The following MYBL1 variants were observed in gnomAD, a reference collection of about 807,000 sequenced individuals.
The protein encoded by MYBL1 is MYB proto-oncogene like 1.
MYBL1 carries 17 observed loss-of-function variants against 96.3 expected under a neutral mutation model. The ratio of observed to expected loss-of-function variants is 0.18; its 90% CI spans 0.12 to 0.26. The LOEUF (loss-of-function observed/expected upper bound fraction) is 0.26, where lower values mean the gene tolerates loss of function less well. MYBL1 is among the 10% of genes least tolerant of loss of function. The pLI, the probability that MYBL1 is intolerant of heterozygous loss-of-function variation, is 1.00. For missense variants in MYBL1, 701 were observed against 882.9 expected, an observed-to-expected ratio of 0.79 and a Z score of 2.61; for synonymous variants, 282 against 292.7, an observed-to-expected ratio of 0.96 and a Z score of 0.37.
Position 66,612,866 on chromosome 8 carries a change from G to A in MYBL1, c.-28C>T, listed in dbSNP as rs756148713. The A allele has an allele frequency of 1.9e-5, 26 of 1,349,198 alleles. No individual in the cohort carries two copies. The Admixed American group carries it at 7.5e-4, about 39-fold the overall frequency. 83.6% of individuals were successfully genotyped at this position (1,349,198 alleles called of 1,614,324 possible). On this transcript the variant is annotated 5_prime_UTR_variant, in exon 1 of 16. Coordinates refer to ENST00000522677, the MANE Select transcript of MYBL1 (RefSeq NM_001080416.4). ...TTCAAGTACCGCATAGGAGCAGGCT[G>A]GGCGGGGACGCGGGTCAGCCTCCTC...
chr8:66,587,544 TA>T (rs1171963202), intron 8 of MYBL1, among the ~76,000 whole-genome samples: 1 of 152,110 alleles, frequency 6.6e-6, no homozygotes, highest in African/African-American at 2.4e-5. Context: ...GTTTTATAAT[TA>T]AAAAATAAGA....
At chr8:66,598,607 T>G (rs2129984168) in intron 4 of MYBL1, among the ~76,000 whole-genome samples, 1 of 152,324 alleles carries the variant, frequency 6.6e-6, no homozygotes, top group Non-Finnish European at 1.5e-5. Flanking sequence ...GGAAACATGA[T>G]GCTCTGACAT....
intron 9 of MYBL1, among the ~76,000 whole-genome samples, chr8:66,578,974 G>A (rs1218708645): frequency 9.9e-5 from 15 of 152,004 alleles, no homozygotes; most frequent in African/African-American, 3.6e-4. Flanking sequence ...GTAAACTATC[G>A]CAAGGACAGA....
chr8:66,599,743 T>C (rs1439466021), intron 3 of MYBL1, among the ~76,000 whole-genome samples: 1 of 151,606 alleles, frequency 6.6e-6, no homozygotes, highest in Non-Finnish European at 1.5e-5. Context: ...GAGGTTGCGG[T>C]GAGCCGAGAT....
intron 5 of MYBL1, among the ~76,000 whole-genome samples, chr8:66,596,764 A>G (rs1283384705): frequency 6.6e-6 from 1 of 152,176 alleles, no homozygotes; most frequent in African/African-American, 2.4e-5. Flanking sequence ...ACGCTATTAG[A>G]AAACATATGA....
At chr8:66,597,858 A>C (rs1013842529) in intron 4 of MYBL1, among the ~76,000 whole-genome samples, 8 of 150,252 alleles carry the variant, frequency 5.3e-5, no homozygotes, top group African/African-American at 1.9e-4. Flanking sequence ...AAAAAAAAAA[A>C]AAAAAAAAAA....
At chr8:66,570,970 C>A (rs966236645) in intron 12 of MYBL1, among the ~76,000 whole-genome samples, 1 of 151,840 alleles carries the variant, frequency 6.6e-6, no homozygotes, top group Non-Finnish European at 1.5e-5. Context: ...TACTACGTAC[C>A]CTTTAACACA....
chr8:66,564,142 T>A lies in MYBL1; in HGVS notation c.*555A>T, dbSNP rs563222820. ...TCAGTACTATGCTCAAATAAATACATTTAACACTGTAGTTAATTTTACTGC... is the reference window on the plus strand; with the variant it reads ...TCAGTACTATGCTCAAATAAATACAATTAACACTGTAGTTAATTTTACTGC... On this transcript the variant is annotated 3_prime_UTR_variant, in exon 16 of 16. Coordinates refer to ENST00000522677, the MANE Select transcript of MYBL1 (RefSeq NM_001080416.4). 6.6e-6 allele frequency: 1 copy of A among 152,448 alleles called. No homozygotes were observed. The highest frequency in any genetic ancestry group is 2.1e-4 in the South Asian group (1 of 4,822). 9.4% of individuals were successfully genotyped at this position (152,448 alleles called of 1,614,324 possible).
In MYBL1 at chr8:66,593,128, A is replaced by T. The variant is rs141575513; in HGVS notation, c.754T>A (p.Phe252Ile). 412 of 1,573,996 alleles carry T rather than the reference A, an allele frequency of 2.6e-4. 2 individuals carry two copies. The African/African-American group carries it at 4.7e-3, about 18-fold the overall frequency. ...TTATAAATAAAAGTTACCTGAATAA[A>T]GGCAGAAGTAGGCTGAACATGTTCT... ...CIEHVQPTSA[F>I]IQQPFIDEDP... The change falls in exon 7 of 16, where the codon TTT (phenylalanine) becomes ATT (isoleucine). Residue 252 changes from phenylalanine (F) to isoleucine (I), a missense_variant. Physicochemically the swap from Phe to Ile is conservative, Grantham distance 21 (BLOSUM62 0). Transcript: ENST00000522677.
At chr8:66,588,175 T>C (rs1809494411) in intron 8 of MYBL1, among the ~76,000 whole-genome samples, 1 of 151,928 alleles carries the variant, frequency 6.6e-6, no homozygotes, top group Non-Finnish European at 1.5e-5. Context: ...TACCTTTCAG[T>C]TGGTATGCAG....
chr8:66,564,700 C>G lies in MYBL1; in HGVS notation c.2256G>C (p.Leu752=). The G allele has an allele frequency of 6.4e-7, 1 of 1,573,656 alleles. No homozygotes were observed. The highest frequency in any genetic ancestry group is 1.7e-4 in the Middle Eastern group (1 of 5,980). ...ATSSTSRALI[L] ...ATTTCATCAATTTTAATAACAATTA[C>G]AGTATGAGAGCTCTTGAAGTACTAC... is the stretch of plus-strand genomic sequence containing the variant. The change falls in exon 16 of 16, where the codon CTG becomes CTC. Residue 752 remains leucine (L), a synonymous_variant. Transcript: ENST00000522677.
intron 1 of MYBL1, 66 bp from the exon 2 acceptor site, chr8:66,602,589 C>A: frequency 1.9e-6 from 2 of 1,071,868 alleles, no homozygotes; most frequent in Non-Finnish European, 2.7e-6. Context: ...AAACACTGAA[C>A]TTGTGTGTGC....
At chr8:66,577,850 A>G (rs1263940241) in intron 9 of MYBL1, among the ~76,000 whole-genome samples, 1 of 152,226 alleles carries the variant, frequency 6.6e-6, no homozygotes, top group South Asian at 2.1e-4. Context: ...TACAGTAACC[A>G]AAACAGCATG....
At chr8:66,566,479 C>T (rs565002410) in intron 14 of MYBL1, among the ~76,000 whole-genome samples, 1 of 151,846 alleles carries the variant, frequency 6.6e-6, no homozygotes, top group Admixed American at 6.6e-5. Flanking sequence ...GCAGCTAACT[C>T]CTCTCATAAC....
At chr8:66,598,576 T>C (rs1809942190) in intron 4 of MYBL1, among the ~76,000 whole-genome samples, 1 of 152,136 alleles carries the variant, frequency 6.6e-6, no homozygotes, top group African/African-American at 2.4e-5. Context: ...ATGACCTTGG[T>C]TTTTAAATCA....
intron 5 of MYBL1, among the ~76,000 whole-genome samples, chr8:66,596,531 A>G (rs1809856008): frequency 6.6e-6 from 1 of 152,168 alleles, no homozygotes; most frequent in Non-Finnish European, 1.5e-5. Context: ...ACCTGGTTTA[A>G]TAACTTGAAT....
intron 1 of MYBL1, among the ~76,000 whole-genome samples, chr8:66,603,813 A>G (rs1394209770): frequency 2.6e-5 from 4 of 152,120 alleles, no homozygotes; most frequent in Non-Finnish European, 5.9e-5. Context: ...CCTCCTGACC[A>G]TATTATTGGA....
intron 3 of MYBL1, among the ~76,000 whole-genome samples, chr8:66,600,923 C>A (rs1245559336): frequency 6.6e-6 from 1 of 151,990 alleles, no homozygotes; most frequent in Non-Finnish European, 1.5e-5. Flanking sequence ...GTAATCCCAG[C>A]ACTCTGGGAG....
intron 12 of MYBL1, among the ~76,000 whole-genome samples, chr8:66,572,079 TG>T (rs1012253262): frequency 4.8e-5 from 4 of 83,750 alleles, no homozygotes; most frequent in African/African-American, 1.8e-4. Flanking sequence ...GAGGCCGAGG[TG>T]GGGGGGAGGG....
Sources: gnomAD v4.1 joint callset for allele counts (sites outside exome capture counted in the v4.1 genomes callset) on GRCh38, gnomAD v4.1.1 for gene constraint, MANE v1.5 for transcripts, NCBI Gene and HGNC (gene_info 2026-07-23, HGNC 2026-07-21) for gene names.